Variants in GRHL1 observed in about 807,000 individuals in gnomAD.
The protein encoded by GRHL1 is grainyhead like transcription factor 1.
A neutral mutation model predicts 75.7 loss-of-function variants in GRHL1; 38 were observed. That is an observed-to-expected ratio of 0.50 (90% CI 0.39 to 0.66). The LOEUF is 0.66. GRHL1 is among the 30% of genes least tolerant of loss of function. GRHL1 has a pLI of 0.00. For missense variants in GRHL1, 589 were observed against 767.5 expected, an observed-to-expected ratio of 0.77 and a Z score of 2.75; for synonymous variants, 266 against 279.4, an observed-to-expected ratio of 0.95 and a Z score of 0.48.
intron 14 of GRHL1, among the ~76,000 whole-genome samples, chr2:9,997,649 C>A (rs1255022537): frequency 6.6e-6 from 1 of 151,858 alleles, no homozygotes; most frequent in Non-Finnish European, 1.5e-5. Context: ...TGGAGAAACC[C>A]TGTCTCTACT....
At chr2:9,970,128 C>A (rs1667663462) in intron 8 of GRHL1, among the ~76,000 whole-genome samples, 1 of 152,190 alleles carries the variant, frequency 6.6e-6, no homozygotes. Context: ...CAGGCATGAG[C>A]CACCGTGCCC....
intron 5 of GRHL1, among the ~76,000 whole-genome samples, 172 bp from the exon 6 acceptor site, chr2:9,963,714 A>G (rs1667371244): frequency 6.6e-6 from 1 of 152,188 alleles, no homozygotes; most frequent in Non-Finnish European, 1.5e-5. Context: ...AGAATTTTTA[A>G]TCGGCAATTT....
intron 8 of GRHL1, among the ~76,000 whole-genome samples, chr2:9,978,596 C>T (rs908019774): frequency 6.6e-6 from 1 of 152,200 alleles, no homozygotes; most frequent in Non-Finnish European, 1.5e-5. Context: ...TAGGCTCTTT[C>T]ATTTTCCCAA....
At chr2:9,984,317 C>A (rs1285935470) in intron 8 of GRHL1, among the ~76,000 whole-genome samples, 1 of 151,656 alleles carries the variant, frequency 6.6e-6, no homozygotes, top group African/African-American at 2.4e-5. Flanking sequence ...CCCCTGTCAG[C>A]TCACGGGGTT....
chr2:9,998,589 T>C (rs1377358210), intron 14 of GRHL1, among the ~76,000 whole-genome samples: 1 of 66,564 alleles, frequency 1.5e-5, no homozygotes, highest in Non-Finnish European at 2.8e-5. Context: ...TATGTACATA[T>C]ATATGTACAC....
rs757786464 is a variant in GRHL1 at position 9,961,399 on chromosome 2, C to T, written c.632C>T (p.Ser211Leu). The T allele has an allele frequency of 3.1e-6, 5 of 1,613,618 alleles. No homozygotes were observed. Among genetic ancestry groups the T allele is most frequent in the South Asian group, 1.1e-5 (1 of 91,078 alleles). The change falls in exon 4 of 16, where the codon TCG becomes TTG. Residue 211 changes from serine (S) to leucine (L), a missense_variant. Physicochemically the swap from Ser to Leu is moderately radical, Grantham distance 145. Coordinates refer to ENST00000324907, the MANE Select transcript of GRHL1 (RefSeq NM_198182.3). ...APNAQRRTPD[S>L]TFSETFKEGV... is the part of the protein sequence containing the mutation. ...AATGCTCAAAGGCGAACTCCAGACT[C>T]GACCTTCTCAGAGACCTTCAAGGAA...
chr2:9,979,229 CAATCTTTTT>C (rs1668093715), intron 8 of GRHL1, among the ~76,000 whole-genome samples: 1 of 114,680 alleles, frequency 8.7e-6, no homozygotes, highest in Non-Finnish European at 1.7e-5. Flanking sequence ...TCTAAATGTT[CAATCTTTTT>C]TTTTTTTTTA....
At chr2:9,958,671 G>A in intron 2 of GRHL1, 115 bp from the exon 3 acceptor site, 1 of 740,210 alleles carries the variant, frequency 1.4e-6, no homozygotes, top group Non-Finnish European at 2.3e-6. Flanking sequence ...TGTTTGCTAG[G>A]CAACCAGTAG....
At chr2:9,953,098 G>A in intron 1 of GRHL1, 3 of 456,626 alleles carry the variant, frequency 6.6e-6, no homozygotes, top group Middle Eastern at 6.5e-4. Context: ...TTTAGATAAG[G>A]CAAATTTTCC....
intron 8 of GRHL1, among the ~76,000 whole-genome samples, chr2:9,969,314 G>T (rs569758564): frequency 6.6e-6 from 1 of 152,208 alleles, no homozygotes; most frequent in Non-Finnish European, 1.5e-5. Flanking sequence ...AGTTAGTGGG[G>T]CATGGCTGCC....
chr2:9,951,839 A>G lies in GRHL1; in HGVS notation c.6A>G (p.Thr2=). 2.0e-6 allele frequency: 3 copies of G among 1,518,724 alleles called. No homozygotes were observed. Among genetic ancestry groups the G allele is most frequent in the Non-Finnish European group, 2.7e-6 (3 of 1,130,974 alleles). 94.1% of individuals were successfully genotyped at this position (1,518,724 alleles called of 1,614,324 possible). ...GGCAGCGGCGAGCGGGCGCGATGAC[A>G]CAGGAGTACGACAAGTGAGTGAGGC... is the stretch of plus-strand genomic sequence containing the variant. M[T]QEYDNKRPVL... is the part of the protein sequence containing the mutation. The change falls in exon 1 of 16, where the codon ACA becomes ACG. Residue 2 remains threonine (T), a synonymous_variant. Coordinates refer to ENST00000324907, the MANE Select transcript of GRHL1 (RefSeq NM_198182.3). The surrounding 1 kb of genome is among the most constrained non-coding windows in gnomAD (Gnocchi z 4.2).
chr2:9,975,402 G>A (rs1457311794), intron 8 of GRHL1, among the ~76,000 whole-genome samples: 2 of 152,222 alleles, frequency 1.3e-5, no homozygotes, highest in African/African-American at 2.4e-5. Context: ...CACTTACCTT[G>A]TATATCTCAG....
chr2:9,952,415 G>C (rs1314267571), intron 1 of GRHL1, among the ~76,000 whole-genome samples: 1 of 152,234 alleles, frequency 6.6e-6, no homozygotes, highest in South Asian at 2.1e-4. Context: ...CTGGCGGCAT[G>C]AGTGGGAAAA....
At chr2:9,955,967 A>G (rs1032572677) in intron 2 of GRHL1, among the ~76,000 whole-genome samples, 2 of 152,194 alleles carry the variant, frequency 1.3e-5, no homozygotes, top group Admixed American at 6.5e-5. Context: ...CCTTTGTCTC[A>G]TTGTCACTCT....
intron 1 of GRHL1, chr2:9,952,788 G>A: frequency 3.6e-6 from 1 of 274,372 alleles, no homozygotes; most frequent in South Asian, 3.5e-5. Flanking sequence ...AGGCAGATAG[G>A]TACCCCTCCC....
rs1475934982 is a variant in GRHL1, at chr2:9,954,957, A to G, written c.63A>G (p.Pro21=). 1 of 1,613,594 alleles carries G rather than the reference A, an allele frequency of 6.2e-7. No homozygotes were observed. Among genetic ancestry groups the G allele is most frequent in the Admixed American group, 1.7e-5 (1 of 60,000 alleles). Residue 21 remains proline, a synonymous_variant, in exon 2 of 16, where the codon CCA becomes CCG. Coordinates refer to ENST00000324907, the MANE Select transcript of GRHL1 (RefSeq NM_198182.3). ...VLVLQNEALY[P]QRRSYTSEDE... is the part of the protein sequence containing the mutation. The stretch of plus-strand genomic sequence containing the variant: ...TTCTTCAGAATGAAGCACTTTATCC[A>G]CAGCGGCGGTCCTACACTAGTGAGG...
intron 12 of GRHL1, among the ~76,000 whole-genome samples, chr2:9,995,125 C>G (rs887026327): frequency 1.3e-5 from 2 of 152,182 alleles, no homozygotes; most frequent in African/African-American, 4.8e-5. Context: ...ACGGTAGAGT[C>G]GGCTTCCCGA....
At chr2:9,959,236 G>GC (rs1429161033) in intron 3 of GRHL1, 3 of 154,390 alleles carry the variant, frequency 1.9e-5, no homozygotes, top group Non-Finnish European at 4.3e-5. Context: ...ATTGAATAAA[G>GC]CAAGTTAAAT....
chr2:9,969,851 T>TTC (rs1242990105), intron 8 of GRHL1, among the ~76,000 whole-genome samples: 1 of 150,272 alleles, frequency 6.7e-6, no homozygotes, highest in African/African-American at 2.5e-5. Flanking sequence ...ACTTTTTTTT[T>TTC]TTTTTTTTTG....
Sources: allele counts gnomAD v4.1 joint callset (sites outside exome capture counted in the v4.1 genomes callset), GRCh38; gene constraint gnomAD v4.1.1; non-coding constraint Gnocchi (gnomAD v3.1); transcripts MANE v1.5; gene names NCBI Gene and HGNC (gene_info 2026-07-23, HGNC 2026-07-21).